NRDC: variants seen among roughly 807,000 people sequenced by gnomAD.
The protein encoded by NRDC is nardilysin.
In NRDC, 54 loss-of-function variants were observed where a neutral mutation model predicts 147.1. That is an observed-to-expected ratio of 0.37 (90% confidence interval 0.29 to 0.46). NRDC has a LOEUF of 0.46. Among genes scored for constraint, NRDC ranks in the 20% least tolerant of loss-of-function variants. The probability of loss-of-function intolerance (pLI) is 1.00; values close to 1 mark genes in which losing one functional copy is unlikely to be tolerated. For synonymous variants in NRDC, 440 were observed against 482.1 expected, an observed-to-expected ratio of 0.91 and a Z score of 1.14; for missense variants, 1,082 against 1,370.6, an observed-to-expected ratio of 0.79 and a Z score of 3.33.
intron 2 of NRDC, among the ~76,000 whole-genome samples, chr1:51,839,366 A>G (rs1347480781): frequency 6.6e-6 from 1 of 151,806 alleles, no homozygotes; most frequent in Non-Finnish European, 1.5e-5. Context: ...GTTTCACCAC[A>G]TTACCTAGGC....
chr1:51,827,757 AG>A lies in NRDC; in HGVS notation c.940+38del, dbSNP rs762399514. 43 of 1,512,146 alleles carry A rather than the reference AG, an allele frequency of 2.8e-5. 1 individual carries two copies. The South Asian group carries it at 4.8e-4, about 17-fold the overall frequency. The allele number at this position is 1,512,146 out of a possible 1,614,324, so 93.7% of individuals were successfully genotyped here. A position where few individuals can be genotyped will look rare whatever the true frequency, so the allele number is the denominator to read the frequency against. The stretch of plus-strand genomic sequence containing the variant: ...ATGTAATAAGTAACTGGTTTCATGA[AG>A]GAAAAAACTGTAGTTACACATAAAG... On this transcript the variant is annotated intron_variant, in intron 5 of 30. Transcript: ENST00000352171.
intron 9 of NRDC, among the ~76,000 whole-genome samples, chr1:51,819,217 G>T (rs535296553): frequency 1.3e-5 from 2 of 151,470 alleles, no homozygotes; most frequent in Non-Finnish European, 2.9e-5. Flanking sequence ...CAGGAGAATC[G>T]CTTGAACCTG....
chr1:51,825,221 T>G (rs1221433196), intron 6 of NRDC, 66 bp downstream of exon 6: 27 of 1,079,476 alleles, frequency 2.5e-5, no homozygotes, highest in Non-Finnish European at 3.6e-5. Flanking sequence ...CAATTCTTTA[T>G]CAACTTTTCT....
chr1:51,821,804 G>A (rs1337511371), intron 7 of NRDC, among the ~76,000 whole-genome samples: 1 of 152,096 alleles, frequency 6.6e-6, no homozygotes, highest in African/African-American at 2.4e-5. Flanking sequence ...AGGCACACAA[G>A]TTTAACAAAA....
At chr1:51,813,578 G>A (rs771402887) in intron 14 of NRDC, among the ~76,000 whole-genome samples, 7 of 152,128 alleles carry the variant, frequency 4.6e-5, no homozygotes, top group Non-Finnish European at 8.8e-5. Flanking sequence ...TTACAGGCAT[G>A]AGCCACAGTG....
At chr1:51,844,465 C>A (rs1681434289) in intron 1 of NRDC, among the ~76,000 whole-genome samples, 1 of 151,814 alleles carries the variant, frequency 6.6e-6, no homozygotes, top group Non-Finnish European at 1.5e-5. Flanking sequence ...AAGGAGAAGG[C>A]CAACCGCAAG....
intron 9 of NRDC, 45 bp downstream of exon 9, chr1:51,819,755 G>A (rs1348992413): frequency 1.4e-6 from 2 of 1,446,398 alleles, no homozygotes; most frequent in Non-Finnish European, 9.6e-7. Flanking sequence ...TATAGAGAAT[G>A]TGCTAACATT....
chr1:51,792,238 G>C, intron 25 of NRDC, 139 bp downstream of exon 25: 1 of 1,329,850 alleles, frequency 7.5e-7, no homozygotes, highest in Non-Finnish European at 1.1e-6. Context: ...CTTATACTGG[G>C]TGAGAACAGT....
At chr1:51,814,842 C>T in intron 11 of NRDC, 29 bp from the exon 12 acceptor site, 1 of 1,546,864 alleles carries the variant, frequency 6.5e-7, no homozygotes, top group South Asian at 1.3e-5. Flanking sequence ...TTAACCCAAT[C>T]AATGTTCCTG....
intron 1 of NRDC, among the ~76,000 whole-genome samples, chr1:51,873,894 T>C (rs969016406): frequency 6.6e-6 from 1 of 151,872 alleles, no homozygotes; most frequent in Non-Finnish European, 1.5e-5. Flanking sequence ...TTCAGAAGTT[T>C]ATATGCCTTT....
chr1:51,860,954 T>G (rs1682501306), intron 1 of NRDC, among the ~76,000 whole-genome samples: 3 of 150,626 alleles, frequency 2.0e-5, no homozygotes, highest in Admixed American at 2.0e-4. Flanking sequence ...ATTACTTCTT[T>G]TTTTTTTTTT....
At chr1:51,831,596 TGA>T (rs980524890) in intron 4 of NRDC, among the ~76,000 whole-genome samples, 2 of 151,694 alleles carry the variant, frequency 1.3e-5, no homozygotes, top group African/African-American at 4.8e-5. Flanking sequence ...TTTTTTTTTT[TGA>T]GACAGGGTCT....
chr1:51,877,878 A>G, intron 1 of NRDC: 1 of 331,958 alleles, frequency 3.0e-6, no homozygotes, highest in Non-Finnish European at 4.5e-6. Context: ...TGTCCCTCAA[A>G]TATTTTGGAT....
Position 51,823,656 on chromosome 1 carries a change from A to C in NRDC, c.1159+8T>G. ...AAGGTAACTCTAAGAGCCATAATTAATAGTTACCTTTGGATTGAACCACTA... is the reference window on the plus strand; with the variant it reads ...AAGGTAACTCTAAGAGCCATAATTACTAGTTACCTTTGGATTGAACCACTA... On this transcript the variant is annotated splice_region_variant and intron_variant, in intron 7 of 30. Coordinates refer to ENST00000352171, the MANE Select transcript of NRDC (RefSeq NM_001101662.2). 1 of 1,604,070 alleles carries C rather than the reference A, an allele frequency of 6.2e-7. No homozygotes were observed. The highest frequency in any genetic ancestry group is 1.1e-5 in the South Asian group (1 of 89,186).
chr1:51,850,176 C>CAAA (rs1169739958), intron 1 of NRDC, among the ~76,000 whole-genome samples: 3 of 147,472 alleles, frequency 2.0e-5, no homozygotes, highest in Non-Finnish European at 3.0e-5. Flanking sequence ...GACTCTATCT[C>CAAA]AAAAAAAAAT....
At chr1:51,857,199 T>A (rs1288836377) in intron 1 of NRDC, among the ~76,000 whole-genome samples, 1 of 152,222 alleles carries the variant, frequency 6.6e-6, no homozygotes, top group Non-Finnish European at 1.5e-5. Context: ...TATAAACAGA[T>A]CGTAACCTAC....
chr1:51,861,245 C>T (rs980337608), intron 1 of NRDC, among the ~76,000 whole-genome samples: 31 of 140,958 alleles, frequency 2.2e-4, no homozygotes, highest in African/African-American at 8.6e-4. Context: ...CCACTGCACC[C>T]GGCTGCCCAA....
chr1:51,858,211 GGCTCAT>G (rs1477824339), intron 1 of NRDC, among the ~76,000 whole-genome samples: 1 of 152,104 alleles, frequency 6.6e-6, no homozygotes, highest in Non-Finnish European at 1.5e-5. Context: ...CAGGTGTGGT[GGCTCAT>G]GCCTGTAATC....
chr1:51,851,117 AC>A (rs1681925673), intron 1 of NRDC, among the ~76,000 whole-genome samples: 1 of 152,126 alleles, frequency 6.6e-6, no homozygotes, highest in Non-Finnish European at 1.5e-5. Flanking sequence ...AGGCAATCAG[AC>A]ACCGTTGGCC....
Sources: allele counts gnomAD v4.1 joint callset (sites outside exome capture counted in the v4.1 genomes callset), GRCh38; gene constraint gnomAD v4.1.1; transcripts MANE v1.5; gene names NCBI Gene and HGNC (gene_info 2026-07-23, HGNC 2026-07-21).